The following UGGT1 variants were observed in gnomAD, a reference collection of about 807,000 sequenced individuals.
UGGT1 encodes UDP-glucose:glycoprotein glucosyltransferase 1.
In UGGT1, 107 loss-of-function variants were observed where a neutral mutation model predicts 203.9. The ratio of observed to expected loss-of-function variants is 0.52; its 90% CI spans 0.45 to 0.62. The LOEUF is 0.62. Among genes scored for constraint, UGGT1 ranks in the 20% least tolerant of loss-of-function variants. UGGT1 has a pLI of 0.00. For missense variants in UGGT1, 1,673 were observed against 1,867.2 expected, an observed-to-expected ratio of 0.90 and a Z score of 1.92; for synonymous variants, 628 against 653.5, an observed-to-expected ratio of 0.96 and a Z score of 0.59.
chr2:128,178,364 C>G (rs775005571), intron 33 of UGGT1, 104 bp from the exon 34 acceptor site: 3 of 996,290 alleles, frequency 3.0e-6, no homozygotes, highest in African/African-American at 1.6e-5. Flanking sequence ...GCAGCTCACC[C>G]GCTAGGGAAG....
chr2:128,164,091 A>G (rs992424331), intron 25 of UGGT1, among the ~76,000 whole-genome samples: 10 of 152,288 alleles, frequency 6.6e-5, no homozygotes, highest in African/African-American at 2.2e-4. Flanking sequence ...AGGTGGGAGA[A>G]TCACCTGAGC....
chr2:128,109,375 TTTTTTTA>T (rs1420297372), intron 4 of UGGT1, among the ~76,000 whole-genome samples: 1 of 152,054 alleles, frequency 6.6e-6, no homozygotes, highest in African/African-American at 2.4e-5. Flanking sequence ...AATTTTTTAT[TTTTTTTA>T]TTTTTTGTAG....
intron 16 of UGGT1, 75 bp from the exon 17 acceptor site, chr2:128,143,019 C>A: frequency 7.3e-7 from 1 of 1,365,386 alleles, no homozygotes; most frequent in South Asian, 1.7e-5. Flanking sequence ...CCTCTAAATT[C>A]AGAAAAATGT....
In UGGT1 at chr2:128,113,102, C is replaced by G. The variant is rs1175039965; in HGVS notation, c.540C>G (p.Phe180Leu). The G allele has an allele frequency of 1.3e-6, 2 of 1,589,918 alleles. No individual in the cohort carries two copies. The highest frequency in any genetic ancestry group is 1.7e-6 in the Non-Finnish European group (2 of 1,167,422). ...TASERPKPLL[F>L]KGDHRYPSSN... is the part of the protein sequence containing the mutation. ...TTTTCAGACCCAAACCTTTATTGTT[C>G]AAAGGAGATCACAGATATCCCTCGT... The change falls in exon 6 of 41, where the codon TTC (phenylalanine) becomes TTG (leucine). Residue 180 changes from phenylalanine to leucine, a missense_variant. This residue lies in a region of UGGT1 where 1,073 missense variants were observed against 1,078.7 expected (regional missense o/e 0.99). Coordinates refer to ENST00000259253, the MANE Select transcript of UGGT1 (RefSeq NM_020120.4).
Position 128,155,488 on chromosome 2 carries a change from G to T in UGGT1, c.2138-1G>T, listed in dbSNP as rs780374054. The T allele has an allele frequency of 6.2e-7, 1 of 1,609,874 alleles. No individual in the cohort carries two copies. Among genetic ancestry groups the T allele is most frequent in the South Asian group, 1.1e-5 (1 of 90,320 alleles). Reference sequence around the variant, plus strand: ...TATACGTATTTCATTTTTTCTCCCAGATAACTTCTTTGTGGATGATTATGC... The same window carrying T: ...TATACGTATTTCATTTTTTCTCCCATATAACTTCTTTGTGGATGATTATGC... On this transcript the variant is annotated splice_acceptor_variant, in intron 19 of 40. Transcript: ENST00000259253. LOFTEE classifies it high-confidence loss of function.
In UGGT1 at chr2:128,193,268, T is replaced by G. The variant is rs992176179; in HGVS notation, c.*3526T>G. The G allele has an allele frequency of 6.6e-6, 1 of 151,236 alleles. No individual in the cohort carries two copies. Among genetic ancestry groups the G allele is most frequent in the Non-Finnish European group, 1.5e-5 (1 of 67,822 alleles). 9.4% of individuals were successfully genotyped at this position (151,236 alleles called of 1,614,324 possible). On this transcript the variant is annotated 3_prime_UTR_variant, in exon 41 of 41. Transcript: ENST00000259253. ...TGTCCTTAAGCCCTCGTGGGTTTTT[T>G]TTTAAGAGAGTCTCATTCTGTCACC...
At chr2:128,157,209 C>T in intron 21 of UGGT1, 43 bp from the exon 22 acceptor site, 1 of 1,353,216 alleles carries the variant, frequency 7.4e-7, no homozygotes, top group Non-Finnish European at 1.1e-6. Flanking sequence ...ACAGAATGTG[C>T]TTCTCTCCTC....
Position 128,121,288 on chromosome 2 carries a change from A to G in UGGT1, c.1063A>G (p.Thr355Ala), listed in dbSNP as rs373438460. The change falls in exon 10 of 41, where the codon ACC becomes GCC. Residue 355 changes from threonine to alanine, a missense_variant. Around this residue, in one of 4 missense-constraint regions of UGGT1, gnomAD observed 1,073 missense variants for 1,078.7 expected, o/e 0.99. Transcript: ENST00000259253. ...VMKDLSQNFP[T>A]KARAITKTAV... Reference sequence around the variant, plus strand: ...GAAGGATCTTAGTCAGAATTTTCCTACCAAAGCCAGGTAATGTAGAATAAT... The same window carrying G: ...GAAGGATCTTAGTCAGAATTTTCCTGCCAAAGCCAGGTAATGTAGAATAAT... The G allele has an allele frequency of 1.2e-6, 2 of 1,610,000 alleles. No individual in the cohort carries two copies. Among genetic ancestry groups the G allele is most frequent in the Non-Finnish European group, 1.7e-6 (2 of 1,178,572 alleles).
intron 4 of UGGT1, among the ~76,000 whole-genome samples, chr2:128,108,315 C>A (rs916331758): frequency 1.3e-5 from 2 of 152,018 alleles, no homozygotes; most frequent in Admixed American, 1.3e-4. Flanking sequence ...TGCATTGCAG[C>A]CTGGGAGATG....
chr2:128,145,501 AACACACACAC>A (rs538390479), intron 17 of UGGT1, among the ~76,000 whole-genome samples: 12 of 104,936 alleles, frequency 1.1e-4, no homozygotes, highest in Non-Finnish European at 2.1e-4. Flanking sequence ...CACACACACA[AACACACACAC>A]ACACACACAC....
At chr2:128,163,723 A>G (rs931055441) in intron 25 of UGGT1, among the ~76,000 whole-genome samples, 29 of 152,036 alleles carry the variant, frequency 1.9e-4, no homozygotes, top group Non-Finnish European at 3.7e-4. Flanking sequence ...CAAAAAAAAA[A>G]AAATTAATTT....
In UGGT1 at chr2:128,182,179, C is replaced by G. The variant is rs1474260278; in HGVS notation, c.4133C>G (p.Ala1378Gly). The change falls in exon 37 of 41, where the codon GCT (alanine) becomes GGT (glycine). Residue 1378 changes from alanine to glycine, a missense_variant. By Grantham distance (60) the Ala-to-Gly change is moderately conservative (BLOSUM62 0). Around this residue, in one of 4 missense-constraint regions of UGGT1, gnomAD observed 513 missense variants for 684.1 expected, o/e 0.75. Coordinates refer to ENST00000259253, the MANE Select transcript of UGGT1 (RefSeq NM_020120.4). ...KELRDFNLDGAPYGYTPFCDS... is the reference protein window; with the variant it reads ...KELRDFNLDGGPYGYTPFCDS... Reference sequence around the variant, plus strand: ...TTAAGAGATTTCAATTTGGATGGTGCTCCTTATGGTTACACTCCTTTCTGT... The same window carrying G: ...TTAAGAGATTTCAATTTGGATGGTGGTCCTTATGGTTACACTCCTTTCTGT... The G allele has an allele frequency of 6.2e-7, 1 of 1,614,132 alleles. No homozygotes were observed. Among genetic ancestry groups the G allele is most frequent in the East Asian group, 2.2e-5 (1 of 44,876 alleles).
intron 15 of UGGT1, among the ~76,000 whole-genome samples, chr2:128,135,856 G>A (rs1689108470): frequency 6.6e-6 from 1 of 152,164 alleles, no homozygotes. Flanking sequence ...TCTGATAGTT[G>A]GAAATGCAGA....
At chr2:128,128,595 A>T (rs547115348) in intron 12 of UGGT1, among the ~76,000 whole-genome samples, 11 of 152,272 alleles carry the variant, frequency 7.2e-5, no homozygotes, top group Admixed American at 3.3e-4. Flanking sequence ...TACAGGCATG[A>T]GCCACCGCGC....
chr2:128,168,177 G>A (rs750990824), intron 26 of UGGT1, among the ~76,000 whole-genome samples: 11 of 152,178 alleles, frequency 7.2e-5, no homozygotes, highest in Non-Finnish European at 1.3e-4. Context: ...TTCTGATTCA[G>A]TAAGTCTGGG....
At chr2:128,102,960 C>A in intron 2 of UGGT1, 1 of 432,096 alleles carries the variant, frequency 2.3e-6, no homozygotes, top group Non-Finnish European at 4.7e-6. Flanking sequence ...ATACTACTTT[C>A]AAGGAGGCAT....
At chr2:128,115,013 G>T (rs532081624) in intron 6 of UGGT1, 111 bp from the exon 7 acceptor site, 2 of 874,214 alleles carry the variant, frequency 2.3e-6, no homozygotes, top group Admixed American at 2.4e-5. Flanking sequence ...TATTTTGAGG[G>T]CATAATCCGA....
intron 8 of UGGT1, among the ~76,000 whole-genome samples, chr2:128,117,983 TGTGTGTGTGTGA>T (rs1688202050): frequency 1.3e-5 from 1 of 76,418 alleles, no homozygotes; most frequent in Admixed American, 2.1e-4. Context: ...TGTGTCTGTG[TGTGTGTGTGTGA>T]GAGAGAGAGA....
Position 128,173,786 on chromosome 2 carries a change from C to T in UGGT1, c.3300C>T (p.Asp1100=), listed in dbSNP as rs1250723130. The T allele has an allele frequency of 1.2e-6, 2 of 1,613,652 alleles. No individual in the cohort carries two copies. Among genetic ancestry groups the T allele is most frequent in the Non-Finnish European group, 1.7e-6 (2 of 1,179,808 alleles). Residue 1100 remains aspartate, a synonymous_variant, in exon 30 of 41, where the codon GAC becomes GAT. Coordinates refer to ENST00000259253, the MANE Select transcript of UGGT1 (RefSeq NM_020120.4). ...GATTGGATTTTGGCTTGCAGGTGGA[C>T]AGTGTAGTGGCTGCTGAGTATGAGC... ...DLDNIYLEEV[D]SVVAAEYELE...
Sources: gnomAD v4.1 joint callset for allele counts (sites outside exome capture counted in the v4.1 genomes callset) on GRCh38, gnomAD v4.1.1 for gene constraint, gnomAD v4.1.1 regional missense constraint, MANE v1.5 for transcripts, NCBI Gene and HGNC (gene_info 2026-07-23, HGNC 2026-07-21) for gene names.